Variants in ACACA observed in about 807,000 individuals in gnomAD.
ACACA encodes acetyl-CoA carboxylase alpha.
Under a neutral mutation model 296.1 loss-of-function variants are expected in ACACA, and 103 were observed. The observed-to-expected ratio is 0.35, with a 90% CI of 0.30 to 0.41. The LOEUF (loss-of-function observed/expected upper bound fraction) is 0.41, where lower values mean the gene tolerates loss of function less well. Among genes scored for constraint, ACACA ranks in the 10% least tolerant of loss-of-function variants. ACACA has a pLI of 1.00. For synonymous variants in ACACA, 953 were observed against 1,038.6 expected, an observed-to-expected ratio of 0.92 and a Z score of 1.58; for missense variants, 1,554 against 2,989.7, an observed-to-expected ratio of 0.52 and a Z score of 11.20.
intron 25 of ACACA, among the ~76,000 whole-genome samples, chr17:37,228,694 C>T (rs2079671681): frequency 6.6e-6 from 1 of 152,128 alleles, no homozygotes; most frequent in Admixed American, 6.5e-5. Context: ...ATAGAGCAAA[C>T]ATACTCCTTT....
intron 12 of ACACA, 60 bp downstream of exon 12, chr17:37,259,300 C>A (rs1446609392): frequency 1.3e-6 from 2 of 1,597,002 alleles, no homozygotes; most frequent in East Asian, 2.2e-5. Context: ...ACTGGTTAAA[C>A]CCATTTTTCA....
At chr17:37,348,338 C>A (rs944828612) in intron 1 of ACACA, among the ~76,000 whole-genome samples, 6 of 152,020 alleles carry the variant, frequency 3.9e-5, no homozygotes, top group African/African-American at 7.2e-5. Flanking sequence ...AAAGGCCCAA[C>A]AAGTGCCTAC....
intron 25 of ACACA, among the ~76,000 whole-genome samples, chr17:37,226,929 A>G (rs2079567389): frequency 6.6e-6 from 1 of 152,180 alleles, no homozygotes; most frequent in African/African-American, 2.4e-5. Flanking sequence ...ACCCAGGAGG[A>G]TGCAAAACAG....
chr17:37,179,835 T>C (rs751130872), intron 40 of ACACA, among the ~76,000 whole-genome samples: 1 of 152,194 alleles, frequency 6.6e-6, no homozygotes, highest in Non-Finnish European at 1.5e-5. Flanking sequence ...AAGGCCAGAA[T>C]GAAGCTTCTA....
chr17:37,337,975 T>C (rs1288954163), intron 2 of ACACA, among the ~76,000 whole-genome samples: 1 of 151,750 alleles, frequency 6.6e-6, no homozygotes, highest in Non-Finnish European at 1.5e-5. Context: ...CGGGCACCTG[T>C]AGTCCCAGCT....
intron 54 of ACACA, 37 bp downstream of exon 54, chr17:37,096,959 C>T (rs936281887): frequency 3.1e-6 from 5 of 1,613,516 alleles, no homozygotes; most frequent in Non-Finnish European, 4.2e-6. Flanking sequence ...GTGTGAGGAA[C>T]TCAGCAAAAA....
chr17:37,121,595 C>A lies in ACACA; in HGVS notation c.6139-105G>T, dbSNP rs535637709. On this transcript the variant is annotated intron_variant, in intron 49 of 55. Coordinates refer to ENST00000616317, the MANE Select transcript of ACACA (RefSeq NM_198834.3). ...TTATTTAAAACTGAAAACTAAAAATCAGATCAACAAAAACTATTGTTCATC... is the reference window on the plus strand; with the variant it reads ...TTATTTAAAACTGAAAACTAAAAATAAGATCAACAAAAACTATTGTTCATC... 77 of 1,405,974 alleles carry A rather than the reference C, an allele frequency of 5.5e-5. No individual in the cohort carries two copies. In the East Asian group the frequency reaches 1.7e-3, roughly 31 times the overall value. 87.1% of individuals were successfully genotyped at this position (1,405,974 alleles called of 1,614,324 possible).
chr17:37,376,083 T>G (rs1568072398), intron 1 of ACACA: 6 of 1,610,348 alleles, frequency 3.7e-6, no homozygotes, highest in Non-Finnish European at 5.1e-6. Flanking sequence ...GAGCATGTGC[T>G]CAAGCTAACA....
chr17:37,298,853 C>T (rs568482362), intron 3 of ACACA, among the ~76,000 whole-genome samples: 2 of 152,192 alleles, frequency 1.3e-5, no homozygotes, highest in South Asian at 4.1e-4. Flanking sequence ...CAGCAGGCAC[C>T]TTTCCTAGCC....
intron 29 of ACACA, 143 bp downstream of exon 29, chr17:37,221,581 G>A: frequency 1.3e-6 from 1 of 767,804 alleles, no homozygotes; most frequent in Middle Eastern, 2.4e-4. Context: ...GCACCAAAAG[G>A]CTCTTCTCTT....
At chr17:37,280,129 A>G (rs554743578) in intron 5 of ACACA, among the ~76,000 whole-genome samples, 1 of 152,208 alleles carries the variant, frequency 6.6e-6, no homozygotes, top group African/African-American at 2.4e-5. Flanking sequence ...TATGTTAGGT[A>G]TTATCAATGT....
At chr17:37,381,128 T>C (rs1437986213) in intron 1 of ACACA, among the ~76,000 whole-genome samples, 1 of 152,014 alleles carries the variant, frequency 6.6e-6, no homozygotes, top group Non-Finnish European at 1.5e-5. Flanking sequence ...ATATACACTG[T>C]TCTGCCCCTT....
intron 1 of ACACA, among the ~76,000 whole-genome samples, chr17:37,398,213 G>A (rs1284774745): frequency 8.2e-6 from 1 of 122,540 alleles, no homozygotes. Flanking sequence ...CTGGGTGACA[G>A]AGCGAGACTC....
chr17:37,132,197 G>A (rs763352622), intron 45 of ACACA, among the ~76,000 whole-genome samples: 24 of 152,254 alleles, frequency 1.6e-4, no homozygotes, highest in East Asian at 3.9e-4. Context: ...AATACACGCC[G>A]TTTGTTATTT....
At chr17:37,090,657 T>C (rs1274744290) in intron 54 of ACACA, among the ~76,000 whole-genome samples, 1 of 152,176 alleles carries the variant, frequency 6.6e-6, no homozygotes, top group Non-Finnish European at 1.5e-5. Context: ...TCAGCCCCTA[T>C]CCACGAGGGA....
At position 37,151,882 on chromosome 17, in the gene ACACA, G is replaced by A. The variant is rs561195704; in HGVS notation, c.5448-461C>T. ...TCACCGTGTTAGCCAGGATGGTCTCGATCTCCTGAGCACGTGATCCGCCCA... is the reference window on the plus strand; with the variant it reads ...TCACCGTGTTAGCCAGGATGGTCTCAATCTCCTGAGCACGTGATCCGCCCA... On this transcript the variant is annotated intron_variant, in intron 43 of 55. Coordinates refer to ENST00000616317, the MANE Select transcript of ACACA (RefSeq NM_198834.3). 5.6e-4 allele frequency among the ~76,000 whole-genome samples: 85 copies of A among 151,966 alleles called. 2 individuals are homozygous for A. The highest frequency in any genetic ancestry group is 4.5e-3 in the East Asian group (23 of 5,128).
rs981493034 is a variant in ACACA at position 37,246,819 on chromosome 17, C to T, written c.2460+7G>A. ...CCATGATCCCACAGTCCTTTCACCA[C>T]CCTGACCTCAATCTCAGCATAGCAC... On this transcript the variant is annotated splice_region_variant and intron_variant, in intron 19 of 55. Transcript: ENST00000616317. The T allele has an allele frequency of 1.9e-6, 3 of 1,613,540 alleles. No homozygotes were observed. Among genetic ancestry groups the T allele is most frequent in the South Asian group, 1.1e-5 (1 of 91,078 alleles).
intron 41 of ACACA, among the ~76,000 whole-genome samples, chr17:37,175,348 G>A (rs1414356980): frequency 9.9e-5 from 15 of 152,190 alleles, no homozygotes; most frequent in African/African-American, 2.7e-4. Flanking sequence ...GATTTAGTGC[G>A]AAAAGCAGCT....
intron 11 of ACACA, among the ~76,000 whole-genome samples, chr17:37,262,239 G>A (rs2081546620): frequency 6.6e-6 from 1 of 152,190 alleles, no homozygotes; most frequent in Non-Finnish European, 1.5e-5. Flanking sequence ...CCCAGTTAGT[G>A]ATCACAATTC....
Sources: gnomAD v4.1 joint callset for allele counts (sites outside exome capture counted in the v4.1 genomes callset) on GRCh38, gnomAD v4.1.1 for gene constraint, MANE v1.5 for transcripts, NCBI Gene and HGNC (gene_info 2026-07-23, HGNC 2026-07-21) for gene names.